Variants in PTPRF observed in about 807,000 individuals in gnomAD.
PTPRF encodes protein tyrosine phosphatase receptor type F, also known as receptor-type tyrosine-protein phosphatase F.
PTPRF carries 59 observed loss-of-function variants against 201.8 expected under a neutral mutation model. The ratio of observed to expected loss-of-function variants is 0.29; its 90% confidence interval spans 0.24 to 0.36. The LOEUF (loss-of-function observed/expected upper bound fraction) is 0.36, where lower values mean the gene tolerates loss of function less well. Among genes scored for constraint, PTPRF ranks in the 10% least tolerant of loss-of-function variants. PTPRF has a pLI of 1.00. For missense variants in PTPRF, 2,132 were observed against 2,690.5 expected (o/e 0.79, Z 4.59); for synonymous variants, 1,088 against 1,089.7 (o/e 1.00, Z 0.03).
At chr1:43,562,711 C>T (rs2153981508) in intron 5 of PTPRF, among the ~76,000 whole-genome samples, 1 of 152,170 alleles carries the variant, frequency 6.6e-6, no homozygotes, top group Admixed American at 6.5e-5. Flanking sequence ...TGCTCCTGGC[C>T]AAATTTTAAT....
At chr1:43,615,602 C>G (rs573121889) in intron 23 of PTPRF, among the ~76,000 whole-genome samples, 1 of 134,716 alleles carries the variant, frequency 7.4e-6, no homozygotes, top group Non-Finnish European at 1.5e-5. Flanking sequence ...AGTCTCGCTC[C>G]GTCATCCAGG....
At chr1:43,569,531 A>G in intron 5 of PTPRF, 59 bp from the exon 6 acceptor site, 4 of 1,502,710 alleles carry the variant, frequency 2.7e-6, no homozygotes, top group Non-Finnish European at 2.7e-6. Flanking sequence ...TTACCCCCAG[A>G]GGGGTCATAG....
chr1:43,606,489 C>A, intron 20 of PTPRF, 31 bp downstream of exon 20: 4 of 1,582,886 alleles, frequency 2.5e-6, no homozygotes, highest in Non-Finnish European at 3.5e-6. Flanking sequence ...CTGTCAGCAC[C>A]CTGATTCCCT....
In PTPRF at chr1:43,605,000, GGTGA is replaced by G; in HGVS notation, c.3135+3_3135+6del. 6.2e-7 allele frequency: 1 copy of G among 1,613,614 alleles called. No homozygotes were observed. The highest frequency in any genetic ancestry group is 1.1e-5 in the South Asian group (1 of 91,066). ...CCTATAAGTCAGCTGTGCCCTTTAA[GGTGA>G]GTAAGGGCCACGGCCAGCTGAGCCT... On this transcript the variant is annotated splice_donor_variant and splice_donor_region_variant and intron_variant, in intron 17 of 33. Coordinates refer to ENST00000359947, the MANE Select transcript of PTPRF (RefSeq NM_002840.5). LOFTEE classifies it high-confidence loss of function.
chr1:43,615,551 C>CTTTTTTTTTTTTTTTT lies in PTPRF; in HGVS notation c.4071+1851_4072-1864dup, dbSNP rs68193223. Among the ~76,000 whole-genome samples, 10 of 84,156 alleles carry CTTTTTTTTTTTTTTTT rather than the reference C, an allele frequency of 1.2e-4. 2 individuals are homozygous for CTTTTTTTTTTTTTTTT. Among genetic ancestry groups the CTTTTTTTTTTTTTTTT allele is most frequent in the African/African-American group, 2.0e-4 (4 of 20,368 alleles). The allele number at this position is 84,156 out of a possible 152,430, so 55.2% of individuals were successfully genotyped here. ...AGCCAGGACCCCATAGCTCTGTTGT[C>CTTTTTTTTTTTTTTTT]TTTTTTTTTTTTTTTTTTTTTTTTT... is the stretch of plus-strand genomic sequence containing the variant. On this transcript the variant is annotated intron_variant, in intron 23 of 33. Transcript: ENST00000359947.
chr1:43,580,451 T>C (rs1647294606), intron 7 of PTPRF, among the ~76,000 whole-genome samples: 1 of 152,210 alleles, frequency 6.6e-6, no homozygotes, highest in Admixed American at 6.5e-5. Context: ...CTATTAAAGA[T>C]GCTTCATGAG....
In PTPRF at chr1:43,605,397, C is replaced by T. The variant is rs758496561; in HGVS notation, c.3343C>T (p.Arg1115Cys). 6.2e-5 allele frequency: 100 copies of T among 1,613,552 alleles called. No homozygotes were observed. Among genetic ancestry groups the T allele is most frequent in the South Asian group, 4.7e-4 (43 of 91,050 alleles). The change falls in exon 18 of 34, where the codon CGC (arginine) becomes TGC (cysteine). Residue 1115 changes from arginine (R) to cysteine (C), a missense_variant. By Grantham distance (180) the Arg-to-Cys change is radical (BLOSUM62 -3). Around this residue, in one of 6 missense-constraint regions of PTPRF, gnomAD observed 818 missense variants for 915.3 expected, o/e 0.89. Transcript: ENST00000359947. ...TGCCTCTGCCTACATAGAGGACGGC[C>T]GCTTCGATCTCTCCATGCCCCATGT... ...LPASAYIEDG[R>C]FDLSMPHVQD...
chr1:43,609,580 A>G, intron 22 of PTPRF, 82 bp downstream of exon 22: 1 of 1,033,978 alleles, frequency 9.7e-7, no homozygotes. Context: ...CAGGGTCGCC[A>G]CTGAAGTTCC....
At chr1:43,620,316 C>G in intron 30 of PTPRF, 95 bp downstream of exon 30, 1 of 1,559,806 alleles carries the variant, frequency 6.4e-7, no homozygotes, top group Non-Finnish European at 8.7e-7. Context: ...TCTCCTTTGA[C>G]ACCCCAGCTG....
intron 23 of PTPRF, among the ~76,000 whole-genome samples, chr1:43,614,767 GT>G (rs920576732): frequency 1.5e-4 from 23 of 152,152 alleles, no homozygotes; most frequent in African/African-American, 5.3e-4. Flanking sequence ...CAGGAGAATC[GT>G]TTGAACCCGG....
intron 11 of PTPRF, among the ~76,000 whole-genome samples, chr1:43,594,573 A>G (rs1651777099): frequency 6.6e-6 from 1 of 152,092 alleles, no homozygotes; most frequent in East Asian, 1.9e-4. Context: ...GTAGCGGTCC[A>G]GGGAAAAGAT....
chr1:43,601,967 C>T (rs1051700771), intron 13 of PTPRF, 104 bp from the exon 14 acceptor site: 39 of 1,392,616 alleles, frequency 2.8e-5, no homozygotes, highest in Admixed American at 8.6e-5. Flanking sequence ...GCCCAAAAGC[C>T]CTCCCTCTGT....
chr1:43,622,167 CAGAG>C lies in PTPRF; in HGVS notation c.*167_*170del. ...GTTTCAGGAACGTTGCCACACCAAT[CAGAG>C]AGCCTAGAACATCCCTGGGCAAGTG... On this transcript the variant is annotated 3_prime_UTR_variant, in exon 34 of 34. Coordinates refer to ENST00000359947, the MANE Select transcript of PTPRF (RefSeq NM_002840.5). The C allele has an allele frequency of 1.4e-6, 1 of 726,498 alleles. No individual in the cohort carries two copies. Among genetic ancestry groups the C allele is most frequent in the Non-Finnish European group, 2.3e-6 (1 of 434,596 alleles). 45.0% of individuals were successfully genotyped at this position (726,498 alleles called of 1,614,324 possible).
At chr1:43,607,233 C>T (rs577915563) in intron 21 of PTPRF, among the ~76,000 whole-genome samples, 13 of 152,366 alleles carry the variant, frequency 8.5e-5, no homozygotes, top group Admixed American at 7.8e-4. Context: ...ATCCCTGGCA[C>T]GTCTGTCTGT....
intron 29 of PTPRF, 110 bp from the exon 30 acceptor site, chr1:43,619,985 C>A: frequency 6.4e-7 from 1 of 1,567,140 alleles, no homozygotes; most frequent in South Asian, 1.2e-5. Context: ...GCAGTGAGGA[C>A]TTCCTGGAGG....
chr1:43,622,018 TCCTCCGCCACCC>T lies in PTPRF; in HGVS notation c.*18_*29del, dbSNP rs1659338009. ...ATGCAACGTAACTACCGCTCCCCTC[TCCTCCGCCACCC>T]CCGCCGTGGGGCTCCGGAGGGGACC... On this transcript the variant is annotated 3_prime_UTR_variant, in exon 34 of 34. Transcript: ENST00000359947. 1.2e-6 allele frequency: 2 copies of T among 1,612,858 alleles called. No homozygotes were observed. The highest frequency in any genetic ancestry group is 1.3e-5 in the African/African-American group (1 of 74,874).
At chr1:43,561,665 C>A (rs1645813678) in intron 5 of PTPRF, among the ~76,000 whole-genome samples, 1 of 152,162 alleles carries the variant, frequency 6.6e-6, no homozygotes, top group African/African-American at 2.4e-5. Context: ...TGTCCTTACA[C>A]CCCCATGACT....
At chr1:43,590,908 G>GA in intron 8 of PTPRF, 64 bp from the exon 9 acceptor site, 1 of 1,427,716 alleles carries the variant, frequency 7.0e-7, no homozygotes, top group South Asian at 1.3e-5. Flanking sequence ...TAATCCCCAA[G>GA]TCTAGGGTTG....
At position 43,554,235 on chromosome 1, in the gene PTPRF, T is replaced by A. The variant is rs1307291594; in HGVS notation, c.379+294T>A. On this transcript the variant is annotated intron_variant, in intron 5 of 33. Transcript: ENST00000359947. The surrounding 1 kb of genome is among the most constrained non-coding windows in gnomAD (Gnocchi z 4.1). ...CTTGAGGTGTGGAGCTGCAGCTGTG[T>A]ATCCCTTGGGTTACGTGGTTATGGC... Among the ~76,000 whole-genome samples, 2 of 152,186 alleles carry A rather than the reference T, an allele frequency of 1.3e-5. No individual in the cohort carries two copies. The highest frequency in any genetic ancestry group is 3.9e-4 in the East Asian group (2 of 5,194).
Sources: allele counts gnomAD v4.1 joint callset (sites outside exome capture counted in the v4.1 genomes callset), GRCh38; gene constraint gnomAD v4.1.1; regional missense constraint gnomAD v4.1.1; non-coding constraint Gnocchi (gnomAD v3.1); transcripts MANE v1.5; gene names NCBI Gene and HGNC (gene_info 2026-07-23, HGNC 2026-07-21).